WWC1: variants seen among roughly 807,000 people sequenced by gnomAD.
The protein encoded by WWC1 is protein KIBRA.
Under a neutral mutation model 138.4 loss-of-function variants are expected in WWC1, and 55 were observed. The observed-to-expected ratio is 0.40, with a 90% CI of 0.32 to 0.50. The LOEUF is 0.50. Among genes scored for constraint, WWC1 ranks in the 20% least tolerant of loss-of-function variants. The pLI is 0.72. For missense variants in WWC1, 1,226 were observed against 1,420.4 expected, an observed-to-expected ratio of 0.86 and a Z score of 2.20; for synonymous variants, 524 against 564.9, an observed-to-expected ratio of 0.93 and a Z score of 1.03.
rs140703314 is a variant in WWC1, at chr5:168,441,206, C to T, written c.2281-476C>T. ...ATATGATTCCAATTATATGAGGTAT[C>T]GAAAGTCATCAAATTCATAGAAACA... is the stretch of plus-strand genomic sequence containing the variant. On this transcript the variant is annotated intron_variant, in intron 15 of 22. Transcript: ENST00000265293. 5.1e-4 allele frequency among the ~76,000 whole-genome samples: 77 copies of T among 152,184 alleles called. 1 individual carries two copies. Among genetic ancestry groups the T allele is most frequent in the African/African-American group, 1.7e-3 (71 of 41,512 alleles).
chr5:168,321,391 G>T (rs573245516), intron 1 of WWC1, among the ~76,000 whole-genome samples: 1 of 152,270 alleles, frequency 6.6e-6, no homozygotes, highest in South Asian at 2.1e-4. Flanking sequence ...CTGAGGGAGA[G>T]AAGAACTTCT....
chr5:168,401,193 C>T (rs917998689), intron 5 of WWC1, among the ~76,000 whole-genome samples: 3 of 152,132 alleles, frequency 2.0e-5, no homozygotes, highest in African/African-American at 4.8e-5. Context: ...TTATTAACTA[C>T]AGCATGTAAC....
intron 1 of WWC1, among the ~76,000 whole-genome samples, chr5:168,328,061 C>G: frequency 6.6e-6 from 1 of 152,180 alleles, no homozygotes; most frequent in East Asian, 1.9e-4. Context: ...CTTAAGGTCT[C>G]CCAGCTAACA....
chr5:168,326,053 C>T (rs1328610985), intron 1 of WWC1, among the ~76,000 whole-genome samples: 2 of 151,966 alleles, frequency 1.3e-5, no homozygotes, highest in African/African-American at 4.8e-5. Context: ...TTTTCTGTTC[C>T]TCTGTCGGTG....
chr5:168,368,803 G>C (rs1023213358), intron 1 of WWC1, among the ~76,000 whole-genome samples: 1 of 152,222 alleles, frequency 6.6e-6, no homozygotes, highest in African/African-American at 2.4e-5. Flanking sequence ...AAGACACTGA[G>C]AGAAGTGGCC....
chr5:168,441,163 C>G (rs1288365548), intron 15 of WWC1, among the ~76,000 whole-genome samples: 3 of 152,092 alleles, frequency 2.0e-5, no homozygotes, highest in African/African-American at 7.2e-5. Flanking sequence ...ATAAGCCAGT[C>G]ACAAAAAGAC....
intron 3 of WWC1, among the ~76,000 whole-genome samples, chr5:168,394,138 C>A (rs746706487): frequency 6.6e-6 from 1 of 152,026 alleles, no homozygotes; most frequent in Admixed American, 6.6e-5. Context: ...AGGCTAAGTC[C>A]CCACCCTCCT....
intron 1 of WWC1, among the ~76,000 whole-genome samples, chr5:168,314,141 G>A (rs1337677400): frequency 1.3e-5 from 2 of 152,210 alleles, no homozygotes; most frequent in Non-Finnish European, 2.9e-5. Flanking sequence ...TGAGGTGGCA[G>A]GCACAGAGGC....
intron 8 of WWC1, among the ~76,000 whole-genome samples, chr5:168,412,321 G>GGAA (rs1278913843): frequency 6.6e-6 from 1 of 152,162 alleles, no homozygotes; most frequent in Admixed American, 6.5e-5. Context: ...CTTGAAAGAG[G>GGAA]GAAGGGAGGT....
chr5:168,367,220 T>C (rs1776362767), intron 1 of WWC1, among the ~76,000 whole-genome samples: 1 of 152,214 alleles, frequency 6.6e-6, no homozygotes, highest in Non-Finnish European at 1.5e-5. Context: ...CCATGCCTTT[T>C]GCCTGCTTCA....
rs181631801 is a variant in WWC1 at position 168,384,841 on chromosome 5, C to T, written c.230-370C>T. 7.9e-5 allele frequency among the ~76,000 whole-genome samples: 12 copies of T among 151,868 alleles called. No individual in the cohort carries two copies. The East Asian group carries it at 2.1e-3, about 27-fold the overall frequency. ...CAAGCAATTCCCCTGCCTTAGCCTC[C>T]CAAGTAGCTGGGATTACAGGTGCCT... On this transcript the variant is annotated intron_variant, in intron 2 of 22. Coordinates refer to ENST00000265293, the MANE Select transcript of WWC1 (RefSeq NM_015238.3).
rs1757420470 is a variant in WWC1 at position 168,467,755 on chromosome 5, G to GC, written c.3151-80dup. ...GAGTGAGGGTGCCGTCCCTACAGTA[G>GC]CCCCCTCTGTTGTGATAGCGAGTTC... On this transcript the variant is annotated intron_variant, in intron 21 of 22. Coordinates refer to ENST00000265293, the MANE Select transcript of WWC1 (RefSeq NM_015238.3). The GC allele has an allele frequency of 3.8e-6, 6 of 1,584,336 alleles. No individual in the cohort carries two copies. The East Asian group carries it at 1.4e-4, about 36-fold the overall frequency.
Position 168,468,977 on chromosome 5 carries a change from C to A in WWC1, c.3302C>A (p.Pro1101His). The A allele has an allele frequency of 3.1e-6, 5 of 1,614,210 alleles. No homozygotes were observed. Among genetic ancestry groups the A allele is most frequent in the Non-Finnish European group, 4.2e-6 (5 of 1,180,038 alleles). Residue 1101 changes from proline (P) to histidine (H), a missense_variant, in exon 23 of 23, where the codon CCT becomes CAT. By Grantham distance (77) the Pro-to-His change is moderately conservative. This residue lies in a region of WWC1 where 206 missense variants were observed against 247.4 expected (regional missense o/e 0.83). Coordinates refer to ENST00000265293, the MANE Select transcript of WWC1 (RefSeq NM_015238.3). ...GAGAAGATGGCATTTTTCACCCGGC[C>A]TCGGATGAATATCCCAGCTCTCTCT... Reference protein sequence around the residue: ...FREKMAFFTRPRMNIPALSAD... With the variant: ...FREKMAFFTRHRMNIPALSAD...
intron 1 of WWC1, among the ~76,000 whole-genome samples, chr5:168,370,916 G>A (rs1776705671): frequency 1.3e-5 from 2 of 152,192 alleles, no homozygotes; most frequent in African/African-American, 4.8e-5. Flanking sequence ...AAACTCACAG[G>A]GATGGAACAT....
At position 168,350,193 on chromosome 5, in the gene WWC1, C is replaced by T. The variant is rs371858753; in HGVS notation, c.120-21231C>T. 2.2e-4 allele frequency among the ~76,000 whole-genome samples: 33 copies of T among 152,274 alleles called. No homozygotes were observed. The East Asian group carries it at 4.2e-3, about 20-fold the overall frequency. On this transcript the variant is annotated intron_variant, in intron 1 of 22. Coordinates refer to ENST00000265293, the MANE Select transcript of WWC1 (RefSeq NM_015238.3). ...ACTCTGCCTGCTGCTGTATCGGCTT[C>T]GTTCTCAGTTTGCACATGATGATCT...
At chr5:168,316,177 G>A (rs993208557) in intron 1 of WWC1, among the ~76,000 whole-genome samples, 1 of 152,098 alleles carries the variant, frequency 6.6e-6, no homozygotes, top group East Asian at 1.9e-4. Context: ...TCTCTGTGAG[G>A]CTCGCAATTG....
chr5:168,325,372 G>T (rs928854340), intron 1 of WWC1, among the ~76,000 whole-genome samples: 2 of 152,190 alleles, frequency 1.3e-5, no homozygotes, highest in Non-Finnish European at 2.9e-5. Context: ...TGGCATCATT[G>T]TCAGTCTCTG....
intron 15 of WWC1, among the ~76,000 whole-genome samples, chr5:168,440,333 T>A (rs949706567): frequency 6.6e-6 from 1 of 152,148 alleles, no homozygotes; most frequent in Non-Finnish European, 1.5e-5. Flanking sequence ...TGTAGAGAAA[T>A]TGGAACTCGT....
At position 168,409,441 on chromosome 5, in the gene WWC1, A is replaced by G. The variant is rs17633212; in HGVS notation, c.868-481A>G. 4.5e-3 allele frequency among the ~76,000 whole-genome samples: 681 copies of G among 152,292 alleles called. 6 individuals carry two copies. Among genetic ancestry groups the G allele is most frequent in the Non-Finnish European group, 7.5e-3 (512 of 68,014 alleles). ...CAGCTACTAGCCATCTGCAGGCCAA[A>G]GTATTTGTAAAGGAACTGTACCCCT... On this transcript the variant is annotated intron_variant, in intron 7 of 22. Coordinates refer to ENST00000265293, the MANE Select transcript of WWC1 (RefSeq NM_015238.3).
Sources: allele counts gnomAD v4.1 joint callset (sites outside exome capture counted in the v4.1 genomes callset), GRCh38; gene constraint gnomAD v4.1.1; regional missense constraint gnomAD v4.1.1; transcripts MANE v1.5; gene names NCBI Gene and HGNC (gene_info 2026-07-23, HGNC 2026-07-21).